Variants in TERB1 observed in about 807,000 individuals in gnomAD.
TERB1 encodes the protein telomere repeat binding bouquet formation protein 1, also known as telomere repeats-binding bouquet formation protein 1.
Under a neutral mutation model 92.3 loss-of-function variants are expected in TERB1, and 63 were observed. The observed-to-expected ratio is 0.68, with a 90% CI of 0.56 to 0.84. The LOEUF (loss-of-function observed/expected upper bound fraction) is 0.84. Ranked by LOEUF, TERB1 falls within the 40% of genes least tolerant of loss-of-function variation. The pLI, the probability that TERB1 is intolerant of heterozygous loss-of-function variation, is 0.00. For synonymous variants in TERB1, 252 were observed against 283.9 expected (o/e 0.89, Z 1.13); for missense variants, 709 against 843.7 (o/e 0.84, Z 1.98).
At chr16:66,759,593 T>G (rs1487718038) in intron 16 of TERB1, among the ~76,000 whole-genome samples, 1 of 150,884 alleles carries the variant, frequency 6.6e-6, no homozygotes, top group Non-Finnish European at 1.5e-5. Context: ...AGGTCAGGAG[T>G]TCGAGACCAG....
intron 16 of TERB1, among the ~76,000 whole-genome samples, chr16:66,763,320 C>G (rs1249523800): frequency 6.6e-6 from 1 of 152,094 alleles, no homozygotes. Flanking sequence ...ACCAGTTCCC[C>G]TCTCTTCCTT....
chr16:66,790,277 G>A (rs8060067), intron 5 of TERB1, among the ~76,000 whole-genome samples: 73,088 of 143,182 alleles, frequency 0.51, 19,435 homozygotes, highest in African/African-American at 0.64. Context: ...GGGGAGGGGG[G>A]CAAAGGAGAA....
intron 6 of TERB1, among the ~76,000 whole-genome samples, chr16:66,787,043 C>T (rs1367774892): frequency 6.6e-6 from 1 of 152,194 alleles, no homozygotes; most frequent in Non-Finnish European, 1.5e-5. Flanking sequence ...AGGGGTTACA[C>T]AGCCTTGGCC....
In TERB1 at chr16:66,754,778, A is replaced by G. The variant is rs2018109067; in HGVS notation, c.*198T>C. The G allele has an allele frequency of 1.9e-6, 1 of 524,680 alleles. No homozygotes were observed. Among genetic ancestry groups the G allele is most frequent in the African/African-American group, 2.0e-5 (1 of 51,006 alleles). 32.5% of individuals were successfully genotyped at this position (524,680 alleles called of 1,614,324 possible). A position where few individuals can be genotyped will look rare whatever the true frequency, so the allele number is the denominator to read the frequency against. ...GATCTTATGAAGGAATTTTCTTACT[A>G]ATCTGTACACTGATGATATATTTGC... On this transcript the variant is annotated 3_prime_UTR_variant, in exon 19 of 19. Coordinates refer to ENST00000433154, the MANE Select transcript of TERB1 (RefSeq NM_001136505.2).
chr16:66,786,526 G>T (rs745998484), intron 6 of TERB1, among the ~76,000 whole-genome samples: 4 of 152,156 alleles, frequency 2.6e-5, no homozygotes, highest in Admixed American at 6.5e-5. Flanking sequence ...CTCTTACTTT[G>T]CATCATGGTT....
At chr16:66,779,100 CATT>C (rs927339134) in intron 9 of TERB1, 85 bp from the exon 10 acceptor site, 54 of 1,028,050 alleles carry the variant, frequency 5.3e-5, no homozygotes, top group Admixed American at 1.4e-4. Flanking sequence ...TTAAATATAA[CATT>C]GACCTTTTCA....
chr16:66,787,551 T>A (rs2018750116), intron 6 of TERB1, among the ~76,000 whole-genome samples: 1 of 152,192 alleles, frequency 6.6e-6, no homozygotes, highest in African/African-American at 2.4e-5. Context: ...CACTTTTCTG[T>A]AAATCTAAAA....
intron 9 of TERB1, among the ~76,000 whole-genome samples, chr16:66,779,936 G>A (rs925900259): frequency 6.6e-6 from 1 of 152,174 alleles, no homozygotes; most frequent in African/African-American, 2.4e-5. Flanking sequence ...CTTTAAGTCT[G>A]AAGTCTTTTG....
In TERB1 at chr16:66,800,723, GAAGA is replaced by G. The variant is rs568195541; in HGVS notation, c.-33+250_-33+253del. ...AAAATACCCTCTAAAGAAGACGCAA[GAAGA>G]GAGAAGGGGCAAATTTGTTTTCGAT... On this transcript the variant is annotated intron_variant, in intron 2 of 18. Transcript: ENST00000433154. 5.2e-3 allele frequency among the ~76,000 whole-genome samples: 788 copies of G among 152,252 alleles called. 6 individuals carry two copies. Among genetic ancestry groups the G allele is most frequent in the African/African-American group, 0.018 (764 of 41,542 alleles).
intron 3 of TERB1, among the ~76,000 whole-genome samples, chr16:66,792,952 C>T (rs1397219700): frequency 6.6e-6 from 1 of 151,792 alleles, no homozygotes; most frequent in East Asian, 1.9e-4. Flanking sequence ...CATTATTGTA[C>T]ACTACTGTAG....
At chr16:66,763,394 T>C (rs1482969147) in intron 16 of TERB1, among the ~76,000 whole-genome samples, 1 of 152,238 alleles carries the variant, frequency 6.6e-6, no homozygotes, top group Non-Finnish European at 1.5e-5. Flanking sequence ...TAAGTTTTGC[T>C]GATTGCATCC....
intron 2 of TERB1, among the ~76,000 whole-genome samples, chr16:66,799,241 T>C (rs1959218598): frequency 6.6e-6 from 1 of 152,194 alleles, no homozygotes; most frequent in Non-Finnish European, 1.5e-5. Flanking sequence ...TTTTTCTTTT[T>C]TCTTTGGATG....
At chr16:66,767,639 A>G in intron 15 of TERB1, 129 bp from the exon 16 acceptor site, 1 of 566,290 alleles carries the variant, frequency 1.8e-6, no homozygotes, top group Non-Finnish European at 3.1e-6. Context: ...GCTGGTGAAT[A>G]AACAGAAAGA....
At position 66,785,910 on chromosome 16, in the gene TERB1, T is replaced by G. The variant is rs1188855178; in HGVS notation, c.578-2A>C. 2 of 1,540,614 alleles carry G rather than the reference T, an allele frequency of 1.3e-6. No homozygotes were observed. The highest frequency in any genetic ancestry group is 4.9e-5 in the East Asian group (2 of 40,772). The stretch of plus-strand genomic sequence containing the variant: ...AACAGCAAAACATTTGATTCTCATC[T>G]GAAAGAAGACAAAGTCAATCATGAT... On this transcript the variant is annotated splice_acceptor_variant, in intron 8 of 18. Transcript: ENST00000433154. LOFTEE classifies it high-confidence loss of function.
intron 12 of TERB1, among the ~76,000 whole-genome samples, chr16:66,772,986 TGCC>T (rs1188760837): frequency 1.3e-5 from 2 of 152,158 alleles, no homozygotes; most frequent in African/African-American, 4.8e-5. Flanking sequence ...AAATATGTTA[TGCC>T]AGACACATAA....
At chr16:66,757,033 A>T (rs2018149098) in intron 18 of TERB1, among the ~76,000 whole-genome samples, 1 of 152,190 alleles carries the variant, frequency 6.6e-6, no homozygotes, top group South Asian at 2.1e-4. Flanking sequence ...CTCACATTTG[A>T]GTATAAAGTA....
chr16:66,772,490 T>G, intron 13 of TERB1, 99 bp downstream of exon 13: 3 of 1,168,582 alleles, frequency 2.6e-6, no homozygotes, highest in Non-Finnish European at 3.6e-6. Flanking sequence ...TCAAAAAAAA[T>G]TAACAAAAAA....
intron 16 of TERB1, among the ~76,000 whole-genome samples, chr16:66,761,914 G>T (rs1195973063): frequency 6.6e-6 from 1 of 152,122 alleles, no homozygotes; most frequent in Non-Finnish European, 1.5e-5. Flanking sequence ...TTAGCTAAGT[G>T]TATTGGCGCG....
chr16:66,798,296 C>T (rs1004821695), intron 2 of TERB1, among the ~76,000 whole-genome samples: 2 of 151,862 alleles, frequency 1.3e-5, no homozygotes, highest in African/African-American at 4.8e-5. Flanking sequence ...CCTCCTGCCT[C>T]AGCATTCCGA....
Sources: gnomAD v4.1 joint callset for allele counts (sites outside exome capture counted in the v4.1 genomes callset) on GRCh38, gnomAD v4.1.1 for gene constraint, MANE v1.5 for transcripts, NCBI Gene and HGNC (gene_info 2026-07-23, HGNC 2026-07-21) for gene names.